IKZF2: variants seen among roughly 807,000 people sequenced by gnomAD.
IKZF2 encodes the protein IKAROS family zinc finger 2.
In IKZF2, 15 loss-of-function variants were observed where a neutral mutation model predicts 49.2. That is an observed-to-expected ratio of 0.30 (90% CI 0.20 to 0.47). IKZF2 has a LOEUF of 0.47. Ranked by LOEUF, IKZF2 falls within the 20% of genes least tolerant of loss-of-function variation. IKZF2 has a pLI of 1.00. For synonymous variants in IKZF2, 227 were observed against 221.4 expected (o/e 1.03, Z -0.23); for missense variants, 567 against 664.6 (o/e 0.85, Z 1.61).
At chr2:213,106,685 AT>A (rs1211696829) in intron 4 of IKZF2, among the ~76,000 whole-genome samples, 5 of 151,880 alleles carry the variant, frequency 3.3e-5, no homozygotes, top group African/African-American at 1.2e-4. Context: ...AAGAAAAAAA[AT>A]GTTTTTTAAG....
intron 4 of IKZF2, among the ~76,000 whole-genome samples, chr2:213,145,568 T>A (rs1339203774): frequency 6.6e-6 from 1 of 152,038 alleles, no homozygotes; most frequent in Non-Finnish European, 1.5e-5. Context: ...TTCTAATTAA[T>A]AGACGAGAGT....
Position 213,042,631 on chromosome 2 carries a change from C to G in IKZF2, c.574+7082G>C, listed in dbSNP as rs1255269945. Among the ~76,000 whole-genome samples, 2 of 151,898 alleles carry G rather than the reference C, an allele frequency of 1.3e-5. 1 individual carries two copies. Among genetic ancestry groups the G allele is most frequent in the African/African-American group, 4.8e-5 (2 of 41,328 alleles). ...TAAAGATAAGCTGATAAAAATATTT[C>G]TAAAGAAGTGAATGTGGGCAAAAAT... On this transcript the variant is annotated intron_variant, in intron 6 of 8. Coordinates refer to ENST00000434687, the MANE Select transcript of IKZF2 (RefSeq NM_001387220.1).
At chr2:213,108,415 G>C (rs1197127199) in intron 4 of IKZF2, among the ~76,000 whole-genome samples, 1 of 152,104 alleles carries the variant, frequency 6.6e-6, no homozygotes, top group Non-Finnish European at 1.5e-5. Context: ...TGAAAAGACA[G>C]AGGGGCCAGC....
chr2:213,104,690 A>G (rs2059466269), intron 4 of IKZF2, among the ~76,000 whole-genome samples: 1 of 152,166 alleles, frequency 6.6e-6, no homozygotes, highest in South Asian at 2.1e-4. Flanking sequence ...GAATTCAGGT[A>G]ATGTATCCAT....
In IKZF2 at chr2:213,003,722, A is replaced by T; in HGVS notation, c.*3638T>A. The stretch of plus-strand genomic sequence containing the variant: ...AAATTTTGTTAAACATTTATAAAAT[A>T]CCAAAGACTTCATGGTTTTGTGAGT... On this transcript the variant is annotated 3_prime_UTR_variant, in exon 9 of 9. Coordinates refer to ENST00000434687, the MANE Select transcript of IKZF2 (RefSeq NM_001387220.1). 6.6e-6 allele frequency: 1 copy of T among 151,802 alleles called. No homozygotes were observed. The highest frequency in any genetic ancestry group is 1.9e-4 in the East Asian group (1 of 5,178). 9.4% of individuals were successfully genotyped at this position (151,802 alleles called of 1,614,324 possible).
intron 6 of IKZF2, among the ~76,000 whole-genome samples, chr2:213,028,076 T>C (rs564239464): frequency 1.3e-4 from 20 of 152,330 alleles, no homozygotes; most frequent in African/African-American, 2.2e-4. Flanking sequence ...TTTTTATATA[T>C]GGCATAAGAG....
chr2:213,036,802 G>C (rs929504028), intron 6 of IKZF2, among the ~76,000 whole-genome samples: 1 of 152,086 alleles, frequency 6.6e-6, no homozygotes, highest in Non-Finnish European at 1.5e-5. Context: ...TCTACCATTT[G>C]AGAGTTTTCT....
At chr2:213,068,711 G>A (rs917856842) in intron 4 of IKZF2, among the ~76,000 whole-genome samples, 2 of 152,004 alleles carry the variant, frequency 1.3e-5, no homozygotes, top group African/African-American at 2.4e-5. Flanking sequence ...GAGGGTCATA[G>A]GTAAAAGCAT....
chr2:213,149,252 T>C (rs933977192), intron 2 of IKZF2, among the ~76,000 whole-genome samples: 1 of 152,200 alleles, frequency 6.6e-6, no homozygotes, highest in Non-Finnish European at 1.5e-5. Context: ...TAACCTTAAT[T>C]TCCTGCCAGA....
In IKZF2 at chr2:213,006,939, T is replaced by C. The variant is rs769708669; in HGVS notation, c.*421A>G. 30 of 157,644 alleles carry C rather than the reference T, an allele frequency of 1.9e-4. No individual in the cohort carries two copies. Among genetic ancestry groups the C allele is most frequent in the Non-Finnish European group, 2.8e-4 (20 of 71,424 alleles). The allele number at this position is 157,644 out of a possible 1,614,324, so 9.8% of individuals were successfully genotyped here. A position where few individuals can be genotyped will look rare whatever the true frequency, so the allele number is the denominator to read the frequency against. On this transcript the variant is annotated 3_prime_UTR_variant, in exon 9 of 9. Coordinates refer to ENST00000434687, the MANE Select transcript of IKZF2 (RefSeq NM_001387220.1). ...CACATTCTTCTTTCAAGAATAAAGT[T>C]ACTTATACCATTTTTAAACCACCAA...
At chr2:213,099,598 C>T (rs898377399) in intron 4 of IKZF2, among the ~76,000 whole-genome samples, 1 of 152,156 alleles carries the variant, frequency 6.6e-6, no homozygotes, top group Non-Finnish European at 1.5e-5. Flanking sequence ...CAGCATGGTA[C>T]ACAGCTTTAC....
intron 4 of IKZF2, among the ~76,000 whole-genome samples, chr2:213,116,021 GT>G (rs2059859219): frequency 6.6e-6 from 1 of 152,092 alleles, no homozygotes; most frequent in Non-Finnish European, 1.5e-5. Context: ...GCAAAGCACT[GT>G]TTGAACCTCT....
chr2:213,041,023 C>T (rs1051692782), intron 6 of IKZF2, among the ~76,000 whole-genome samples: 2 of 151,710 alleles, frequency 1.3e-5, no homozygotes, highest in African/African-American at 4.8e-5. Context: ...GAGGCTGAGG[C>T]GGGGGAACCA....
chr2:213,065,463 T>C (rs1702080954), intron 4 of IKZF2, among the ~76,000 whole-genome samples: 1 of 152,112 alleles, frequency 6.6e-6, no homozygotes, highest in Non-Finnish European at 1.5e-5. Flanking sequence ...GATATTTCTG[T>C]TTTTAAATTA....
At chr2:213,093,368 A>G (rs1705573026) in intron 4 of IKZF2, among the ~76,000 whole-genome samples, 1 of 152,016 alleles carries the variant, frequency 6.6e-6, no homozygotes, top group Non-Finnish European at 1.5e-5. Context: ...CATATTATAA[A>G]AGCCAACTTT....
At chr2:213,031,674 T>C (rs1160931914) in intron 6 of IKZF2, among the ~76,000 whole-genome samples, 1 of 152,200 alleles carries the variant, frequency 6.6e-6, no homozygotes, top group Non-Finnish European at 1.5e-5. Flanking sequence ...TTGTAACATA[T>C]TTTGGCAGTG....
At chr2:213,087,227 G>A (rs922701652) in intron 4 of IKZF2, among the ~76,000 whole-genome samples, 3 of 152,110 alleles carry the variant, frequency 2.0e-5, no homozygotes, top group South Asian at 2.1e-4. Flanking sequence ...GCCTGTTGCT[G>A]TATTTGACTC....
At chr2:213,020,224 T>G (rs1035376913) in intron 7 of IKZF2, among the ~76,000 whole-genome samples, 4 of 152,180 alleles carry the variant, frequency 2.6e-5, no homozygotes, top group African/African-American at 9.6e-5. Flanking sequence ...ATTTAAATAG[T>G]AACAGTGTAT....
chr2:213,145,775 A>G (rs1056160454), intron 4 of IKZF2, among the ~76,000 whole-genome samples: 1 of 152,114 alleles, frequency 6.6e-6, no homozygotes, highest in Non-Finnish European at 1.5e-5. Context: ...TCTTTGGAAA[A>G]GAACCTGAAA....
Sources: gnomAD v4.1 joint callset for allele counts (sites outside exome capture counted in the v4.1 genomes callset) on GRCh38, gnomAD v4.1.1 for gene constraint, MANE v1.5 for transcripts, NCBI Gene and HGNC (gene_info 2026-07-23, HGNC 2026-07-21) for gene names.